The following PRDM11 variants were observed in gnomAD, a reference collection of about 807,000 sequenced individuals.
PRDM11 encodes PR domain-containing protein 11.
A neutral mutation model predicts 97.8 loss-of-function variants in PRDM11; 20 were observed. That is an observed-to-expected ratio of 0.20 (90% confidence interval 0.14 to 0.30). The LOEUF is 0.30. Ranked by LOEUF, PRDM11 falls within the 10% of genes least tolerant of loss-of-function variation. The pLI, the probability that PRDM11 is intolerant of heterozygous loss-of-function variation, is 1.00. For synonymous variants in PRDM11, 599 were observed against 637.7 expected (o/e 0.94, Z 0.91); for missense variants, 1,139 against 1,555.2 (o/e 0.73, Z 4.50).
chr11:45,150,110 C>T (rs1851623582), intron 1 of PRDM11, among the ~76,000 whole-genome samples: 1 of 152,180 alleles, frequency 6.6e-6, no homozygotes, highest in African/African-American at 2.4e-5. Flanking sequence ...TTTGTCCCTC[C>T]CATTTGTCAT....
At chr11:45,195,974 T>C (rs1853108942) in intron 4 of PRDM11, among the ~76,000 whole-genome samples, 1 of 152,244 alleles carries the variant, frequency 6.6e-6, no homozygotes, top group Non-Finnish European at 1.5e-5. Flanking sequence ...TGAATAATGC[T>C]GCTGTAAACA....
At chr11:45,117,140 C>T (rs1044680463) in intron 1 of PRDM11, among the ~76,000 whole-genome samples, 1 of 146,956 alleles carries the variant, frequency 6.8e-6, no homozygotes, top group African/African-American at 2.6e-5. Flanking sequence ...AGGAGAATTG[C>T]TTGAACCTGG....
At chr11:45,224,133 A>C in intron 6 of PRDM11, 84 bp from the exon 7 acceptor site, 6 of 1,460,258 alleles carry the variant, frequency 4.1e-6, no homozygotes, top group Non-Finnish European at 5.5e-6. Context: ...CAGGTGACCT[A>C]ACAGGAGGCC....
chr11:45,139,392 C>T (rs139869984), intron 1 of PRDM11, among the ~76,000 whole-genome samples: 3,598 of 152,064 alleles, frequency 0.024, 137 homozygotes, highest in African/African-American at 0.083. Context: ...CATGGTGAAA[C>T]CCCATCTCTA....
chr11:45,130,033 T>C (rs1474283065), intron 1 of PRDM11, among the ~76,000 whole-genome samples: 2 of 152,166 alleles, frequency 1.3e-5, no homozygotes, highest in Non-Finnish European at 2.9e-5. Flanking sequence ...GGGTGGAGAA[T>C]GCCTTTTAAA....
chr11:45,118,387 T>C (rs1362687436), intron 1 of PRDM11, among the ~76,000 whole-genome samples: 1 of 152,230 alleles, frequency 6.6e-6, no homozygotes, highest in Non-Finnish European at 1.5e-5. Flanking sequence ...AGGAACTCTG[T>C]ACTGTTTTCC....
At chr11:45,152,294 C>T (rs61224193) in intron 1 of PRDM11, among the ~76,000 whole-genome samples, 2,019 of 152,102 alleles carry the variant, frequency 0.013, 47 homozygotes, top group African/African-American at 0.046. Context: ...CTTGAACTCC[C>T]GACCTCAAGT....
chr11:45,103,581 T>A (rs1852015155), intron 1 of PRDM11, among the ~76,000 whole-genome samples: 1 of 151,790 alleles, frequency 6.6e-6, no homozygotes, highest in Admixed American at 6.6e-5. Flanking sequence ...TTTGGCAGGG[T>A]ATTGACCAAG....
In PRDM11 at chr11:45,231,617, G is replaced by C. The variant is rs1854400897; in HGVS notation, c.*3458G>C. 6.6e-6 allele frequency: 1 copy of C among 151,872 alleles called. No individual in the cohort carries two copies. The highest frequency in any genetic ancestry group is 1.5e-5 in the Non-Finnish European group (1 of 67,998). 9.4% of individuals were successfully genotyped at this position (151,872 alleles called of 1,614,324 possible). On this transcript the variant is annotated 3_prime_UTR_variant, in exon 8 of 8. Coordinates refer to ENST00000683152, the MANE Select transcript of PRDM11 (RefSeq NM_001384648.1). ...GAGATCAACCTTGAGGCCCAGGTTT[G>C]TGGCCAACTGTGCCAAGGTGATACC...
At chr11:45,101,567 A>AAAAAAAGAAGAAGAAGAAG (rs767802218) in intron 1 of PRDM11, among the ~76,000 whole-genome samples, 2 of 96,834 alleles carry the variant, frequency 2.1e-5, no homozygotes, top group African/African-American at 9.8e-5. Flanking sequence ...AAAAAAAAAA[A>AAAAAAAGAAGAAGAAGAAG]AAGAAGAAGA....
In PRDM11 at chr11:45,219,022, C is replaced by T. The variant is rs182856377; in HGVS notation, c.555-548C>T. 3.3e-5 allele frequency among the ~76,000 whole-genome samples: 5 copies of T among 152,326 alleles called. No homozygotes were observed. On this transcript the variant is annotated intron_variant, in intron 5 of 7. Transcript: ENST00000683152. This position sits in a 1 kb window ranked among gnomAD's most constrained non-coding sequence, Gnocchi z 4.2. ...TTTGTAGTCTGTTATTTACCTTCCT[C>T]CCCTGTCCCCACTGGAGCCCCCATT...
intron 1 of PRDM11, among the ~76,000 whole-genome samples, chr11:45,178,346 T>C (rs1852379799): frequency 6.6e-6 from 1 of 152,164 alleles, no homozygotes; most frequent in Non-Finnish European, 1.5e-5. Flanking sequence ...TGACGTGCCA[T>C]GGCCACACTG....
chr11:45,202,228 G>A (rs1321517620), intron 4 of PRDM11, among the ~76,000 whole-genome samples: 6 of 152,186 alleles, frequency 3.9e-5, no homozygotes, highest in African/African-American at 1.2e-4. Context: ...GGCCACCATT[G>A]TGATCAGGGC....
Position 45,182,844 on chromosome 11 carries a change from T to C in PRDM11, c.224-17T>C, listed in dbSNP as rs1369689854. ...CTGCAACAACTGAGGCCCTCCCTTC[T>C]CTTTCCATCCCTCCAGTCTGTGAGT... is the stretch of plus-strand genomic sequence containing the variant. On this transcript the variant is annotated splice_polypyrimidine_tract_variant and intron_variant, in intron 3 of 7. Coordinates refer to ENST00000683152, the MANE Select transcript of PRDM11 (RefSeq NM_001384648.1). 5.1e-6 allele frequency: 8 copies of C among 1,554,884 alleles called. No homozygotes were observed. Among genetic ancestry groups the C allele is most frequent in the Non-Finnish European group, 7.0e-6 (8 of 1,149,474 alleles).
At chr11:45,142,874 T>C (rs1851434342), upstream of PRDM11, among the ~76,000 whole-genome samples, 1 of 152,200 alleles carries the variant, frequency 6.6e-6, no homozygotes, top group African/African-American at 2.4e-5. Flanking sequence ...TGGATTTATT[T>C]AAAGCATTTA....
intron 4 of PRDM11, among the ~76,000 whole-genome samples, chr11:45,200,871 T>C (rs924370719): frequency 6.6e-5 from 10 of 152,234 alleles, no homozygotes; most frequent in African/African-American, 2.4e-4. Context: ...AAAGCATCCC[T>C]GCTTCCCTCT....
At chr11:45,206,629 A>C (rs970304353) in intron 5 of PRDM11, among the ~76,000 whole-genome samples, 2 of 152,204 alleles carry the variant, frequency 1.3e-5, no homozygotes, top group Non-Finnish European at 2.9e-5. Context: ...CAAAACCCCA[A>C]AAAAGGGGAG....
chr11:45,182,103 C>A (rs1198390533), intron 2 of PRDM11, 143 bp from the exon 3 acceptor site: 6 of 755,572 alleles, frequency 7.9e-6, no homozygotes, highest in Non-Finnish European at 1.3e-5. Flanking sequence ...CCACCTCCTG[C>A]ACTGAACAGC....
chr11:45,143,754 T>C (rs1281324790), upstream of PRDM11, among the ~76,000 whole-genome samples: 4 of 152,238 alleles, frequency 2.6e-5, no homozygotes, highest in Non-Finnish European at 4.4e-5. Context: ...GTGATGATGA[T>C]ATCCTTCTTG....
Sources: gnomAD v4.1 joint callset for allele counts (sites outside exome capture counted in the v4.1 genomes callset) on GRCh38, gnomAD v4.1.1 for gene constraint, Gnocchi (gnomAD v3.1) non-coding constraint, MANE v1.5 for transcripts, NCBI Gene and HGNC (gene_info 2026-07-23, HGNC 2026-07-21) for gene names.